The following SLCO3A1 variants were observed in gnomAD, a reference collection of about 807,000 sequenced individuals.
SLCO3A1 encodes solute carrier organic anion transporter family member 3A1, also known as PGE1 transporter.
SLCO3A1 carries 27 observed loss-of-function variants against 63.1 expected under a neutral mutation model. The ratio of observed to expected loss-of-function variants is 0.43; its 90% CI spans 0.32 to 0.59. The LOEUF (loss-of-function observed/expected upper bound fraction) is 0.59. Ranked by LOEUF, SLCO3A1 falls within the 20% of genes least tolerant of loss-of-function variation. The pLI, the probability that SLCO3A1 is intolerant of heterozygous loss-of-function variation, is 0.09. For missense variants in SLCO3A1, 773 were observed against 945.8 expected, an observed-to-expected ratio of 0.82 and a Z score of 2.40; for synonymous variants, 473 against 409.9, an observed-to-expected ratio of 1.15 and a Z score of -1.86.
intron 2 of SLCO3A1, among the ~76,000 whole-genome samples, chr15:91,974,974 G>T (rs1237113726): frequency 6.6e-6 from 1 of 152,186 alleles, no homozygotes; most frequent in African/African-American, 2.4e-5. Context: ...TCTGTGTGCA[G>T]TCTGGGGTAG....
rs2047519746 is a variant in SLCO3A1, at chr15:92,094,926, T to C, written c.692T>C (p.Ile231Thr). The change falls in exon 3 of 10, where the codon ATC (isoleucine) becomes ACC (threonine). Residue 231 changes from isoleucine (I) to threonine (T), a missense_variant. Ile to Thr is a moderately conservative substitution (Grantham distance 89). Coordinates refer to ENST00000318445, the MANE Select transcript of SLCO3A1 (RefSeq NM_013272.4). ...GTATTTGGACCAGCCTGCGGGTTTATCCTGGGCTCTTTCTGTACCAAAATC... is the reference window on the plus strand; with the variant it reads ...GTATTTGGACCAGCCTGCGGGTTTACCCTGGGCTCTTTCTGTACCAAAATC... ...MLVFGPACGF[I>T]LGSFCTKIYV... 6.2e-7 allele frequency: 1 copy of C among 1,613,934 alleles called. No individual in the cohort carries two copies. The highest frequency in any genetic ancestry group is 1.7e-5 in the Admixed American group (1 of 60,008).
At chr15:91,929,820 T>C (rs1212304513) in intron 2 of SLCO3A1, among the ~76,000 whole-genome samples, 1 of 152,208 alleles carries the variant, frequency 6.6e-6, no homozygotes, top group Non-Finnish European at 1.5e-5. Context: ...TTATTTCACG[T>C]AGCAGGTTGC....
intron 2 of SLCO3A1, among the ~76,000 whole-genome samples, chr15:92,089,399 TC>T (rs1596090097): frequency 2.6e-5 from 4 of 152,142 alleles, no homozygotes; most frequent in Non-Finnish European, 5.9e-5. Context: ...GGTGGGGTCT[TC>T]CTGTAGCCCC....
intron 2 of SLCO3A1, among the ~76,000 whole-genome samples, chr15:92,045,670 C>G (rs2046852355): frequency 6.6e-6 from 1 of 152,124 alleles, no homozygotes. Context: ...ACAAATGTCC[C>G]TATTTCCTAT....
At chr15:91,919,939 A>G (rs1243643744) in intron 2 of SLCO3A1, among the ~76,000 whole-genome samples, 1 of 152,196 alleles carries the variant, frequency 6.6e-6, no homozygotes, top group Admixed American at 6.5e-5. Context: ...CTGCATTAGC[A>G]TGCTTTTCTA....
chr15:92,105,625 A>T (rs1272996548), intron 4 of SLCO3A1, among the ~76,000 whole-genome samples: 1 of 152,170 alleles, frequency 6.6e-6, no homozygotes, highest in African/African-American at 2.4e-5. Context: ...GGCGACTATC[A>T]GGCGAGGTAT....
intron 7 of SLCO3A1, among the ~76,000 whole-genome samples, chr15:92,141,361 A>C (rs1308587605): frequency 6.6e-6 from 1 of 152,172 alleles, no homozygotes; most frequent in African/African-American, 2.4e-5. Context: ...ACAGCCAGAG[A>C]AAGCATTAGG....
intron 2 of SLCO3A1, among the ~76,000 whole-genome samples, chr15:92,015,694 G>A (rs2046418297): frequency 1.3e-5 from 2 of 152,104 alleles, no homozygotes; most frequent in Admixed American, 1.3e-4. Context: ...TGAGCGTGGG[G>A]TGTGAACAGG....
intron 2 of SLCO3A1, among the ~76,000 whole-genome samples, chr15:92,044,599 C>T (rs2046837950): frequency 6.6e-6 from 1 of 152,100 alleles, no homozygotes; most frequent in South Asian, 2.1e-4. Context: ...CGGTCAGGGC[C>T]CCTCACCTTC....
chr15:91,943,940 C>A (rs1023390513), intron 2 of SLCO3A1, among the ~76,000 whole-genome samples: 1 of 152,184 alleles, frequency 6.6e-6, no homozygotes, highest in African/African-American at 2.4e-5. Context: ...GCCTTAGCAT[C>A]CCTCGGTGGG....
rs1328935376 is a variant in SLCO3A1, at chr15:91,860,325, G to A, written c.180+6237G>A. Among the ~76,000 whole-genome samples the A allele has an allele frequency of 6.6e-6, 1 of 152,140 alleles. No individual in the cohort carries two copies. The highest frequency in any genetic ancestry group is 2.4e-5 in the African/African-American group (1 of 41,406). ...TAGACTTGCTATTTCCCAGCTCCTG[G>A]CAACTTCACTTACTCGAGCCTCAAT... On this transcript the variant is annotated intron_variant, in intron 1 of 9. Transcript: ENST00000318445. This position sits in a 1 kb window ranked among gnomAD's most constrained non-coding sequence, Gnocchi z 5.5.
intron 2 of SLCO3A1, among the ~76,000 whole-genome samples, chr15:92,064,228 G>A (rs758400638): frequency 6.6e-5 from 10 of 152,198 alleles, no homozygotes; most frequent in Admixed American, 1.3e-4. Context: ...CCTTCCCAGA[G>A]CGTAAGAGGT....
At chr15:92,156,969 T>G (rs1248262112) in intron 9 of SLCO3A1, among the ~76,000 whole-genome samples, 3 of 152,210 alleles carry the variant, frequency 2.0e-5, no homozygotes. Context: ...ATAGCCAATA[T>G]ATAAGGCCCT....
At position 91,916,358 on chromosome 15, in the gene SLCO3A1, G is replaced by C. The variant is rs1434777976; in HGVS notation, c.546G>C (p.Gly182=). ...ACATGATGTACTTGCTGCTCATTGG[G>C]GCCCAGGTGCTCCTGGGCATCGGTG... is the stretch of plus-strand genomic sequence containing the variant. ...ATNMMYLLLI[G]AQVLLGIGAT... is the part of the protein sequence containing the mutation. The change falls in exon 2 of 10, where the codon GGG becomes GGC. Residue 182 remains glycine, a synonymous_variant. Transcript: ENST00000318445. This position sits in a 1 kb window ranked among gnomAD's most constrained non-coding sequence, Gnocchi z 6.2. 2 of 1,611,536 alleles carry C rather than the reference G, an allele frequency of 1.2e-6. No individual in the cohort carries two copies. Among genetic ancestry groups the C allele is most frequent in the Non-Finnish European group, 1.7e-6 (2 of 1,179,292 alleles).
intron 2 of SLCO3A1, among the ~76,000 whole-genome samples, chr15:92,092,575 C>T (rs1420617229): frequency 6.6e-6 from 1 of 152,066 alleles, no homozygotes; most frequent in African/African-American, 2.4e-5. Flanking sequence ...GAGGATATGA[C>T]TGGCTTCAGG....
chr15:92,048,830 G>A (rs190365996), intron 2 of SLCO3A1, among the ~76,000 whole-genome samples: 30 of 152,266 alleles, frequency 2.0e-4, no homozygotes, highest in Admixed American at 1.9e-3. Flanking sequence ...CCCGGAAGGC[G>A]GAGGTTGCAG....
chr15:91,904,167 C>T (rs902693134), intron 1 of SLCO3A1, among the ~76,000 whole-genome samples: 2 of 152,200 alleles, frequency 1.3e-5, no homozygotes, highest in African/African-American at 4.8e-5. Flanking sequence ...GGAAGAGGCA[C>T]TGCTGTTATA....
At chr15:91,995,667 G>A (rs73532475) in intron 2 of SLCO3A1, among the ~76,000 whole-genome samples, 43 of 143,146 alleles carry the variant, frequency 3.0e-4, no homozygotes, top group African/African-American at 9.9e-4. Flanking sequence ...TGAAGCTTTA[G>A]TCCTTTTAAG....
At chr15:92,014,234 C>T (rs1638951866) in intron 2 of SLCO3A1, among the ~76,000 whole-genome samples, 1 of 152,166 alleles carries the variant, frequency 6.6e-6, no homozygotes, top group African/African-American at 2.4e-5. Flanking sequence ...ACCTAGATCA[C>T]AGTTCACTGG....
Sources: gnomAD v4.1 joint callset for allele counts (sites outside exome capture counted in the v4.1 genomes callset) on GRCh38, gnomAD v4.1.1 for gene constraint, Gnocchi (gnomAD v3.1) non-coding constraint, MANE v1.5 for transcripts, NCBI Gene and HGNC (gene_info 2026-07-23, HGNC 2026-07-21) for gene names.